NRAP: variants seen among roughly 807,000 people sequenced by gnomAD.
NRAP encodes nebulin-related-anchoring protein.
In NRAP, 189 loss-of-function variants were observed where a neutral mutation model predicts 225.9. The ratio of observed to expected loss-of-function variants is 0.84; its 90% confidence interval spans 0.74 to 0.94. The LOEUF (loss-of-function observed/expected upper bound fraction) is 0.94. Ranked by LOEUF, NRAP falls within the 40% of genes least tolerant of loss-of-function variation. The pLI, the probability that NRAP is intolerant of heterozygous loss-of-function variation, is 0.00. For missense variants in NRAP, 2,176 were observed against 2,168.7 expected (o/e 1.00, Z -0.07); for synonymous variants, 769 against 790.7 (o/e 0.97, Z 0.46).
rs375554230 is a variant in NRAP at position 113,646,980 on chromosome 10, T to C, written c.936A>G (p.Pro312=). 112 of 1,614,032 alleles carry C rather than the reference T, an allele frequency of 6.9e-5. No individual in the cohort carries two copies. Among genetic ancestry groups the C allele is most frequent in the Non-Finnish European group, 9.1e-5 (107 of 1,180,000 alleles). The change falls in exon 10 of 42, where the codon CCA becomes CCG. Residue 312 remains proline, a synonymous_variant. Coordinates refer to ENST00000359988, the MANE Select transcript of NRAP (RefSeq NM_198060.4). ...TCTGATATGCTGGAGTGATCATAGC[T>C]GGGAAGCTGCCCTTTCCCCTGTGCT... is the stretch of plus-strand genomic sequence containing the variant. ...YEEHRGKGSF[P]AMITPAYQNA...
chr10:113,606,166 A>G lies in NRAP; in HGVS notation c.3807+12T>C. 2.5e-6 allele frequency: 4 copies of G among 1,598,422 alleles called. No individual in the cohort carries two copies. Among genetic ancestry groups the G allele is most frequent in the Non-Finnish European group, 2.6e-6 (3 of 1,165,608 alleles). On this transcript the variant is annotated intron_variant, in intron 33 of 41. Coordinates refer to ENST00000359988, the MANE Select transcript of NRAP (RefSeq NM_198060.4). ...TGGAGCATGCTTGAACTTAAGTAAC[A>G]AAAGGGCTTACGTCACTCAGGTTGG...
At chr10:113,620,830 T>C in intron 24 of NRAP, 122 bp from the exon 25 acceptor site, 2 of 702,262 alleles carry the variant, frequency 2.8e-6, no homozygotes, top group South Asian at 3.3e-5. Flanking sequence ...ATGCCACTTT[T>C]GTCTTATGCA....
In NRAP at chr10:113,620,698, C is replaced by A. The variant is rs754661493; in HGVS notation, c.2780G>T (p.Arg927Met). ...GCCTTTCATCCACTTCACATCTGCC[C>A]TGTATTGGTTCTGACAAAGGAGAAA... ...AYGLQSDNQY[R>M]ADVKWMKGMG... is the part of the protein sequence containing the mutation. Residue 927 changes from arginine to methionine, a missense_variant, in exon 25 of 42, where the codon AGG (arginine) becomes ATG (methionine). Around this residue, in one of 3 missense-constraint regions of NRAP, gnomAD observed 1,708 missense variants for 1,695.5 expected, o/e 1.01. Transcript: ENST00000359988. 13 of 1,608,630 alleles carry A rather than the reference C, an allele frequency of 8.1e-6. No individual in the cohort carries two copies. The highest frequency in any genetic ancestry group is 1.1e-5 in the Non-Finnish European group (13 of 1,175,972).
chr10:113,598,213 T>C lies in NRAP; in HGVS notation c.4228-140A>G, dbSNP rs1846396886. 3 of 677,236 alleles carry C rather than the reference T, an allele frequency of 4.4e-6. No individual in the cohort carries two copies. In the South Asian group the frequency reaches 4.9e-5, roughly 11 times the overall value. 42.0% of individuals were successfully genotyped at this position (677,236 alleles called of 1,614,324 possible). A position where few individuals can be genotyped will look rare whatever the true frequency, so the allele number is the denominator to read the frequency against. ...CAACATCTTCACTGGGAGTACATTC[T>C]GCATGTCGTCAAGTCAAACTGTTTG... On this transcript the variant is annotated intron_variant, in intron 35 of 41. Coordinates refer to ENST00000359988, the MANE Select transcript of NRAP (RefSeq NM_198060.4).
At chr10:113,645,435 G>A (rs996022520) in intron 11 of NRAP, among the ~76,000 whole-genome samples, 1 of 149,084 alleles carries the variant, frequency 6.7e-6, no homozygotes, top group African/African-American at 2.5e-5. Flanking sequence ...TGTTTGTTTT[G>A]AGATGGAGTT....
At position 113,614,278 on chromosome 10, in the gene NRAP, A is replaced by ATGCCTCTTTG; in HGVS notation, c.3195_3204dup (p.Phe1069GlnfsTer5). On this transcript the variant is annotated frameshift_variant, in exon 29 of 42. Coordinates refer to ENST00000359988, the MANE Select transcript of NRAP (RefSeq NM_198060.4). LOFTEE classifies it high-confidence loss of function. ...AGCATCTGTCCTTTCATTTTCTCAAATGCCTCTTTGTATTTGTACTAAAGG... is the reference window on the plus strand; with the variant it reads ...AGCATCTGTCCTTTCATTTTCTCAAATGCCTCTTTGTGCCTCTTTGTATTTGTACTAAAGG... 1 of 1,612,860 alleles carries ATGCCTCTTTG rather than the reference A, an allele frequency of 6.2e-7. No individual in the cohort carries two copies. The highest frequency in any genetic ancestry group is 8.5e-7 in the Non-Finnish European group (1 of 1,178,828).
chr10:113,626,095 G>C lies in NRAP; in HGVS notation c.2196C>G (p.Asp732Glu). Reference protein sequence around the residue: ...VDELKFTSVTDSSQMEHAKKS... With the variant: ...VDELKFTSVTESSQMEHAKKS... ...TCTTGGCGTGCTCCATCTGGGAGCT[G>C]TCGGTCACGCTGGTGAACTTCAGCT... The change falls in exon 21 of 42, where the codon GAC (aspartate) becomes GAG (glutamate). Residue 732 changes from aspartate to glutamate, a missense_variant. Physicochemically the swap from Asp to Glu is conservative, Grantham distance 45 (BLOSUM62 2). This residue lies in a region of NRAP where 1,708 missense variants were observed against 1,695.5 expected (regional missense o/e 1.01). Transcript: ENST00000359988. The C allele has an allele frequency of 1.2e-6, 2 of 1,612,440 alleles. No individual in the cohort carries two copies. The highest frequency in any genetic ancestry group is 1.7e-6 in the Non-Finnish European group (2 of 1,179,492).
At chr10:113,589,392 C>T (rs1845797976) in intron 41 of NRAP, 1 of 573,992 alleles carries the variant, frequency 1.7e-6, no homozygotes, top group Non-Finnish European at 3.1e-6. Context: ...ACAGCCTGGG[C>T]TGCCCTGGCC....
intron 9 of NRAP, among the ~76,000 whole-genome samples, chr10:113,647,523 C>CA (rs1564752488): frequency 3.4e-5 from 3 of 87,324 alleles, no homozygotes; most frequent in African/African-American, 9.7e-5. Flanking sequence ...CTGTCTCCCC[C>CA]GGTGGTACTG....
chr10:113,616,595 A>AATCAT (rs1283615591), intron 26 of NRAP, among the ~76,000 whole-genome samples: 5 of 152,226 alleles, frequency 3.3e-5, no homozygotes, highest in Non-Finnish European at 7.3e-5. Context: ...TAAGCTTGTA[A>AATCAT]ATCATCCCAT....
chr10:113,593,941 C>T (rs985707709), intron 38 of NRAP, among the ~76,000 whole-genome samples: 30 of 152,242 alleles, frequency 2.0e-4, no homozygotes, highest in Non-Finnish European at 3.1e-4. Context: ...TGGCCCAGAT[C>T]GGGGGTCTCC....
rs1048170723 is a variant in NRAP, at chr10:113,588,718, C to T, written c.*257G>A. 49 of 548,176 alleles carry T rather than the reference C, an allele frequency of 8.9e-5. No individual in the cohort carries two copies. Among genetic ancestry groups the T allele is most frequent in the Non-Finnish European group, 1.3e-4 (39 of 311,462 alleles). The allele number at this position is 548,176 out of a possible 1,614,324, so 34.0% of individuals were successfully genotyped here. A position where few individuals can be genotyped will look rare whatever the true frequency, so the allele number is the denominator to read the frequency against. On this transcript the variant is annotated 3_prime_UTR_variant, in exon 42 of 42. Transcript: ENST00000359988. ...CAGACTCCAGAATCCCCAGCATCAG[C>T]GGGAACCACCATCACATCTTTATTC... is the stretch of plus-strand genomic sequence containing the variant.
intron 22 of NRAP, among the ~76,000 whole-genome samples, chr10:113,624,339 C>T (rs568340621): frequency 6.6e-6 from 1 of 152,284 alleles, no homozygotes; most frequent in East Asian, 1.9e-4. Flanking sequence ...GTGCACTTGC[C>T]TCTGAGTGCT....
At chr10:113,654,162 C>T (rs1486061149) in intron 4 of NRAP, 37 bp from the exon 5 acceptor site, 2 of 1,172,102 alleles carry the variant, frequency 1.7e-6, no homozygotes, top group African/African-American at 1.5e-5. Context: ...CAAACACATG[C>T]CCCAGACTCC....
At chr10:113,618,515 C>T (rs1847799130) in intron 25 of NRAP, among the ~76,000 whole-genome samples, 1 of 152,222 alleles carries the variant, frequency 6.6e-6, no homozygotes. Flanking sequence ...GTGACAGAGG[C>T]AATATGACCT....
In NRAP at chr10:113,657,567, T is replaced by G. The variant is rs1401929964; in HGVS notation, c.263A>C (p.Asp88Ala). The stretch of plus-strand genomic sequence containing the variant: ...TTTACACTGTTCACCATCTTCTTGG[T>G]CATGGATCTGCTCAAGGAAGATGTT... ...TFPEAISGIH[D>A]QEDGEQCKSV... The change falls in exon 4 of 42, where the codon GAC becomes GCC. Residue 88 changes from aspartate to alanine, a missense_variant. By Grantham distance (126) the Asp-to-Ala change is moderately radical. Transcript: ENST00000359988. The G allele has an allele frequency of 1.9e-6, 3 of 1,541,978 alleles. No homozygotes were observed. Among genetic ancestry groups the G allele is most frequent in the Non-Finnish European group, 2.7e-6 (3 of 1,114,306 alleles).
chr10:113,614,194 G>C lies in NRAP; in HGVS notation c.3289C>G (p.Leu1097Val). ...CTCCCCCCACTTACATCACTCTGCAGTGAGGTCGCATACACTGAATGTGCA... is the reference window on the plus strand; with the variant it reads ...CTCCCCCCACTTACATCACTCTGCACTGAGGTCGCATACACTGAATGTGCA... Reference protein sequence around the residue: ...SLAHSVYATSLQSDVNYKKGF... With the variant: ...SLAHSVYATSVQSDVNYKKGF... Residue 1097 changes from leucine to valine, a missense_variant, in exon 29 of 42, where the codon CTG (leucine) becomes GTG (valine). Around this residue, in one of 3 missense-constraint regions of NRAP, gnomAD observed 1,708 missense variants for 1,695.5 expected, o/e 1.01. Transcript: ENST00000359988. 6.2e-7 allele frequency: 1 copy of C among 1,611,494 alleles called. No individual in the cohort carries two copies. The highest frequency in any genetic ancestry group is 8.5e-7 in the Non-Finnish European group (1 of 1,177,540).
chr10:113,657,722 T>A, intron 3 of NRAP, 148 bp from the exon 4 acceptor site: 1 of 640,720 alleles, frequency 1.6e-6, no homozygotes, highest in South Asian at 1.8e-5. Flanking sequence ...GTGCTGTCAG[T>A]CTCCCTGTGG....
At chr10:113,661,642 G>C (rs1023549201) in intron 3 of NRAP, among the ~76,000 whole-genome samples, 9 of 152,196 alleles carry the variant, frequency 5.9e-5, no homozygotes, top group Non-Finnish European at 1.2e-4. Flanking sequence ...ATAGGTGCAA[G>C]AGTTCCGTCG....
Sources: allele counts gnomAD v4.1 joint callset (sites outside exome capture counted in the v4.1 genomes callset), GRCh38; gene constraint gnomAD v4.1.1; regional missense constraint gnomAD v4.1.1; transcripts MANE v1.5; gene names NCBI Gene and HGNC (gene_info 2026-07-23, HGNC 2026-07-21).